SLCO5A1: variants seen among roughly 807,000 people sequenced by gnomAD.
SLCO5A1 encodes organic anion transporter polypeptide-related protein 4.
Under a neutral mutation model 65.1 loss-of-function variants are expected in SLCO5A1, and 39 were observed. The ratio of observed to expected loss-of-function variants is 0.60; its 90% CI spans 0.46 to 0.78. The LOEUF is 0.78. Among genes scored for constraint, SLCO5A1 ranks in the 30% least tolerant of loss-of-function variants. SLCO5A1 has a pLI of 0.00. For synonymous variants in SLCO5A1, 438 were observed against 415.7 expected (o/e 1.05, Z -0.65); for missense variants, 1,029 against 1,069.4 (o/e 0.96, Z 0.53).
chr8:69,730,740 T>C (rs1167377448), intron 5 of SLCO5A1, among the ~76,000 whole-genome samples: 1 of 152,206 alleles, frequency 6.6e-6, no homozygotes, highest in Non-Finnish European at 1.5e-5. Flanking sequence ...AAAATGAGCA[T>C]GAACTCTGTA....
chr8:69,819,133 G>A (rs552483867), intron 2 of SLCO5A1, among the ~76,000 whole-genome samples: 1 of 152,226 alleles, frequency 6.6e-6, no homozygotes, highest in African/African-American at 2.4e-5. Flanking sequence ...CACTCTCAAT[G>A]TCTCCTTTCT....
rs1476356611 is a variant in SLCO5A1, at chr8:69,671,307, AAC to A, written c.*1560_*1561del. 2 of 152,240 alleles carry A rather than the reference AAC, an allele frequency of 1.3e-5. No homozygotes were observed. Among genetic ancestry groups the A allele is most frequent in the African/African-American group, 2.4e-5 (1 of 41,454 alleles). The allele number at this position is 152,240 out of a possible 1,614,324, so 9.4% of individuals were successfully genotyped here. A position where few individuals can be genotyped will look rare whatever the true frequency, so the allele number is the denominator to read the frequency against. On this transcript the variant is annotated 3_prime_UTR_variant, in exon 10 of 10. Coordinates refer to ENST00000260126, the MANE Select transcript of SLCO5A1 (RefSeq NM_030958.3). ...TGGAGAGCAGAAGCCTGAATCATGG[AAC>A]AGTCTGTCAATCACATCTCTTCTGG...
At chr8:69,676,773 G>A in intron 8 of SLCO5A1, 100 bp from the exon 9 acceptor site, 1 of 874,350 alleles carries the variant, frequency 1.1e-6, no homozygotes. Flanking sequence ...GACTAAAGAT[G>A]CCATGCCAAA....
intron 2 of SLCO5A1, among the ~76,000 whole-genome samples, chr8:69,830,576 C>A (rs942736988): frequency 2.0e-5 from 3 of 152,178 alleles, no homozygotes; most frequent in Non-Finnish European, 4.4e-5. Flanking sequence ...ACAAAAATCT[C>A]ATCTGGTATG....
intron 5 of SLCO5A1, among the ~76,000 whole-genome samples, chr8:69,719,904 T>C (rs1815739124): frequency 6.6e-6 from 1 of 152,206 alleles, no homozygotes; most frequent in Admixed American, 6.5e-5. Context: ...AGGACACATG[T>C]CCGCTGAGCC....
chr8:69,788,513 G>A (rs1157178525), intron 2 of SLCO5A1, among the ~76,000 whole-genome samples: 1 of 152,028 alleles, frequency 6.6e-6, no homozygotes, highest in Non-Finnish European at 1.5e-5. Context: ...TGCCAACTCA[G>A]CTTGCAAACT....
At chr8:69,753,808 C>T (rs1280761048) in intron 4 of SLCO5A1, among the ~76,000 whole-genome samples, 1 of 151,198 alleles carries the variant, frequency 6.6e-6, no homozygotes, top group Non-Finnish European at 1.5e-5. Context: ...GTCAGGAGCT[C>T]GAGACCAGCC....
chr8:69,738,102 A>G lies in SLCO5A1; in HGVS notation c.1361T>C (p.Phe454Ser). The G allele has an allele frequency of 6.2e-7, 1 of 1,613,966 alleles. No homozygotes were observed. The highest frequency in any genetic ancestry group is 8.5e-7 in the Non-Finnish European group (1 of 1,179,892). Reference sequence around the variant, plus strand: ...CTGTGACTCGATGAACTTGGGAATGAAGGTAATGAAAGCAGTTACAATGGC... The same window carrying G: ...CTGTGACTCGATGAACTTGGGAATGGAGGTAATGAAAGCAGTTACAATGGC... ...ESAIVTAFITFIPKFIESQFG... is the reference protein window; with the variant it reads ...ESAIVTAFITSIPKFIESQFG... The change falls in exon 5 of 10, where the codon TTC (phenylalanine) becomes TCC (serine). Residue 454 changes from phenylalanine to serine, a missense_variant. By Grantham distance (155) the Phe-to-Ser change is radical. Transcript: ENST00000260126.
chr8:69,735,047 G>T (rs1313261291), intron 5 of SLCO5A1, among the ~76,000 whole-genome samples: 8 of 152,154 alleles, frequency 5.3e-5, no homozygotes, highest in Admixed American at 3.3e-4. Flanking sequence ...AGACATACAT[G>T]CAGCCAAGAA....
At chr8:69,778,125 A>G (rs901326474) in intron 2 of SLCO5A1, among the ~76,000 whole-genome samples, 9 of 152,162 alleles carry the variant, frequency 5.9e-5, no homozygotes, top group Non-Finnish European at 2.9e-5. Context: ...AAGACAGTAT[A>G]TATAGGGTTC....
chr8:69,824,558 C>T (rs1431397034), intron 2 of SLCO5A1, among the ~76,000 whole-genome samples: 2 of 152,024 alleles, frequency 1.3e-5, no homozygotes, highest in Non-Finnish European at 1.5e-5. Flanking sequence ...ACACATACAC[C>T]CTCCCAAGAC....
At chr8:69,690,225 A>T (rs1814196948) in intron 6 of SLCO5A1, among the ~76,000 whole-genome samples, 1 of 152,182 alleles carries the variant, frequency 6.6e-6, no homozygotes, top group Non-Finnish European at 1.5e-5. Flanking sequence ...TCGTTCATCC[A>T]TTCATGCGCG....
chr8:69,824,565 A>G (rs1820788642), intron 2 of SLCO5A1, among the ~76,000 whole-genome samples: 1 of 152,222 alleles, frequency 6.6e-6, no homozygotes, highest in South Asian at 2.1e-4. Context: ...CACCCTCCCA[A>G]GACTAAACCA....
At chr8:69,813,287 T>C (rs1170428196) in intron 2 of SLCO5A1, among the ~76,000 whole-genome samples, 1 of 152,200 alleles carries the variant, frequency 6.6e-6, no homozygotes, top group East Asian at 1.9e-4. Flanking sequence ...CAAGACTCAT[T>C]AAAGTATTAT....
At chr8:69,690,216 C>G (rs1468984368) in intron 6 of SLCO5A1, among the ~76,000 whole-genome samples, 1 of 152,140 alleles carries the variant, frequency 6.6e-6, no homozygotes, top group Non-Finnish European at 1.5e-5. Context: ...GTGGGAATCT[C>G]GTTCATCCAT....
At chr8:69,779,014 T>C (rs1249981126) in intron 2 of SLCO5A1, among the ~76,000 whole-genome samples, 2 of 152,224 alleles carry the variant, frequency 1.3e-5, no homozygotes, top group Non-Finnish European at 2.9e-5. Flanking sequence ...CTATATGGAT[T>C]CATTTATGTA....
At chr8:69,737,981 A>G (rs889933408) in intron 5 of SLCO5A1, 59 bp downstream of exon 5, 2 of 1,562,968 alleles carry the variant, frequency 1.3e-6, no homozygotes, top group African/African-American at 1.4e-5. Context: ...CTCTTTACCC[A>G]TTCCATTTCA....
At chr8:69,759,812 A>T (rs1817685819) in intron 3 of SLCO5A1, among the ~76,000 whole-genome samples, 1 of 151,954 alleles carries the variant, frequency 6.6e-6, no homozygotes, top group African/African-American at 2.4e-5. Flanking sequence ...CACTCGGCTA[A>T]TTTTTTTGTA....
chr8:69,782,100 C>A (rs1196709040), intron 2 of SLCO5A1, among the ~76,000 whole-genome samples: 3 of 152,050 alleles, frequency 2.0e-5, no homozygotes, highest in Non-Finnish European at 4.4e-5. Context: ...AGCAATAGGA[C>A]AAATACCTAA....
Sources: gnomAD v4.1 joint callset for allele counts (sites outside exome capture counted in the v4.1 genomes callset) on GRCh38, gnomAD v4.1.1 for gene constraint, MANE v1.5 for transcripts, NCBI Gene and HGNC (gene_info 2026-07-23, HGNC 2026-07-21) for gene names.